The following SERPINB12 variants were observed in gnomAD, a reference collection of about 807,000 sequenced individuals.
The protein encoded by SERPINB12 is serpin B12.
Under a neutral mutation model 41.1 loss-of-function variants are expected in SERPINB12, and 57 were observed. The ratio of observed to expected loss-of-function variants is 1.39; its 90% confidence interval spans 1.12 to 1.73. The LOEUF (loss-of-function observed/expected upper bound fraction) is 1.73. Among genes scored for constraint, SERPINB12 ranks in the 40% most tolerant of loss-of-function variants. The pLI is 0.00. For synonymous variants in SERPINB12, 180 were observed against 181.3 expected (o/e 0.99, Z 0.06); for missense variants, 536 against 501.9 (o/e 1.07, Z -0.65).
chr18:63,565,173 C>A (rs1351222966), intron 6 of SERPINB12, among the ~76,000 whole-genome samples: 1 of 152,090 alleles, frequency 6.6e-6, no homozygotes, highest in Non-Finnish European at 1.5e-5. Context: ...GGTGACAGAG[C>A]AAGACCCTGT....
At position 63,565,564 on chromosome 18, in the gene SERPINB12, C is replaced by G; in HGVS notation, c.825C>G (p.Phe275Leu). The G allele has an allele frequency of 6.2e-7, 1 of 1,614,052 alleles. No homozygotes were observed. Among genetic ancestry groups the G allele is most frequent in the Non-Finnish European group, 8.5e-7 (1 of 1,179,954 alleles). The change falls in exon 7 of 8, where the codon TTC becomes TTG. Residue 275 changes from phenylalanine to leucine, a missense_variant. By Grantham distance (22) the Phe-to-Leu change is conservative (BLOSUM62 0). Transcript: ENST00000382768. ...MRYTKGKLSM[F>L]VLLPSHSKDN... ...ACACCAAGGGGAAGCTCAGCATGTTCGTGCTGCTGCCATCTCACTCTAAAG... is the reference window on the plus strand; with the variant it reads ...ACACCAAGGGGAAGCTCAGCATGTTGGTGCTGCTGCCATCTCACTCTAAAG...
chr18:63,563,893 T>C, intron 5 of SERPINB12, 85 bp from the exon 6 acceptor site: 4 of 1,242,402 alleles, frequency 3.2e-6, no homozygotes, highest in Admixed American at 5.2e-5. Flanking sequence ...CGAAACTCTG[T>C]CTCAAAAAAA....
chr18:63,537,051 A>G, the SERPINB12 span, among the ~76,000 whole-genome samples: 1 of 152,106 alleles, frequency 6.6e-6, no homozygotes, highest in Non-Finnish European at 1.5e-5. Context: ...ATGATTATAT[A>G]CTCTTTGGAA....
At position 63,568,404 on chromosome 18, in the gene SERPINB12, C is replaced by G. The variant is rs1187831933; in HGVS notation, c.*1393C>G. Among the ~76,000 whole-genome samples, 1 of 151,748 alleles carries G rather than the reference C, an allele frequency of 6.6e-6. No individual in the cohort carries two copies. Among genetic ancestry groups the G allele is most frequent in the African/African-American group, 2.4e-5 (1 of 41,336 alleles). ...TCAAAAAACAAACAAACAAAAAACCCAAAAAGCCAAAACAAAACCTGAAAC... is the reference window on the plus strand; with the variant it reads ...TCAAAAAACAAACAAACAAAAAACCGAAAAAGCCAAAACAAAACCTGAAAC... On this transcript the variant is annotated 3_prime_UTR_variant, in exon 8 of 8. Coordinates refer to ENST00000382768, the MANE Select transcript of SERPINB12 (RefSeq NM_001307928.2).
chr18:63,550,399 A>C (rs1331051282), intron 1 of SERPINB12, among the ~76,000 whole-genome samples: 1 of 152,148 alleles, frequency 6.6e-6, no homozygotes, highest in Admixed American at 6.5e-5. Flanking sequence ...ATTTCTCTTC[A>C]ATTTTCCATA....
chr18:63,547,550 T>C (rs1433399681), intron 1 of SERPINB12, among the ~76,000 whole-genome samples: 1 of 152,134 alleles, frequency 6.6e-6, no homozygotes, highest in African/African-American at 2.4e-5. Context: ...GTGGGAATTA[T>C]AGAAATTATA....
rs751906451 is a variant in SERPINB12 at position 63,559,600 on chromosome 18, G to A, written c.326G>A (p.Ser109Asn). Reference protein sequence around the residue: ...DQQAGSLNNESGLVSCYFGQL... With the variant: ...DQQAGSLNNENGLVSCYFGQL... ...TAGGCTGGGTCCTTAAACAATGAGA[G>A]CGGACTGGTCAGCTGCTACTTTGGG... is the stretch of plus-strand genomic sequence containing the variant. Residue 109 changes from serine to asparagine, a missense_variant, in exon 4 of 8, where the codon AGC becomes AAC. By Grantham distance (46) the Ser-to-Asn change is conservative (BLOSUM62 1). Coordinates refer to ENST00000382768, the MANE Select transcript of SERPINB12 (RefSeq NM_001307928.2). 2 of 1,614,134 alleles carry A rather than the reference G, an allele frequency of 1.2e-6. No individual in the cohort carries two copies.
chr18:63,562,305 T>A (rs1051223294), intron 5 of SERPINB12, among the ~76,000 whole-genome samples: 1 of 152,230 alleles, frequency 6.6e-6, no homozygotes, highest in Admixed American at 6.5e-5. Flanking sequence ...ACTAGGCCCC[T>A]TTTTGATCAT....
At chr18:63,520,510 A>C in the SERPINB12 span, among the ~76,000 whole-genome samples, 2 of 152,194 alleles carry the variant, frequency 1.3e-5, no homozygotes, top group Non-Finnish European at 2.9e-5. Flanking sequence ...ATTGTCCTTC[A>C]TGCTGGCTGA....
chr18:63,533,175 A>G, the SERPINB12 span, among the ~76,000 whole-genome samples: 1 of 152,096 alleles, frequency 6.6e-6, no homozygotes, highest in African/African-American at 2.4e-5. Context: ...ACGGGGTTTC[A>G]CCATGTTGGC....
At chr18:63,558,572 TC>T in intron 3 of SERPINB12, 86 bp downstream of exon 3, 1 of 1,385,784 alleles carries the variant, frequency 7.2e-7, no homozygotes, top group Non-Finnish European at 9.7e-7. Context: ...TAGTTGCTTA[TC>T]CCCAAATATT....
chr18:63,526,133 G>T, the SERPINB12 span, among the ~76,000 whole-genome samples: 1 of 152,066 alleles, frequency 6.6e-6, no homozygotes, highest in East Asian at 1.9e-4. Context: ...TGTATTTTTG[G>T]TAACATATTT....
At chr18:63,563,029 A>G (rs1910965607) in intron 5 of SERPINB12, among the ~76,000 whole-genome samples, 1 of 152,182 alleles carries the variant, frequency 6.6e-6, no homozygotes, top group Non-Finnish European at 1.5e-5. Context: ...GGAAGGCCTG[A>G]GGACCCATTC....
chr18:63,529,321 G>A, the SERPINB12 span, among the ~76,000 whole-genome samples: 5 of 152,270 alleles, frequency 3.3e-5, no homozygotes, highest in Admixed American at 1.3e-4. Flanking sequence ...TTGGTCAGGC[G>A]GTTGCTGGAC....
chr18:63,563,796 T>A (rs756524860), intron 5 of SERPINB12, among the ~76,000 whole-genome samples, 182 bp from the exon 6 acceptor site: 4 of 151,748 alleles, frequency 2.6e-5, no homozygotes, highest in Non-Finnish European at 5.9e-5. Flanking sequence ...CTCTGGCGGC[T>A]GAGGCAGGAG....
At chr18:63,522,746 A>G in the SERPINB12 span, among the ~76,000 whole-genome samples, 1 of 152,190 alleles carries the variant, frequency 6.6e-6, no homozygotes, top group Non-Finnish European at 1.5e-5. Context: ...CTGACTGCAG[A>G]TGCCTTTAGA....
chr18:63,527,382 C>A, the SERPINB12 span, among the ~76,000 whole-genome samples: 1 of 152,112 alleles, frequency 6.6e-6, no homozygotes, highest in Non-Finnish European at 1.5e-5. Context: ...GACTATCAAT[C>A]CTTCAAATAA....
At chr18:63,560,483 A>G (rs1218420542) in intron 4 of SERPINB12, among the ~76,000 whole-genome samples, 1 of 152,184 alleles carries the variant, frequency 6.6e-6, no homozygotes, top group Non-Finnish European at 1.5e-5. Flanking sequence ...CCTTTTGATG[A>G]GCTATAAATT....
intron 1 of SERPINB12, among the ~76,000 whole-genome samples, chr18:63,546,704 A>C (rs1161055125): frequency 6.6e-6 from 1 of 152,244 alleles, no homozygotes; most frequent in East Asian, 1.9e-4. Context: ...TGGAAAGAGC[A>C]AAGAAAATAT....
Sources: gnomAD v4.1 joint callset for allele counts (sites outside exome capture counted in the v4.1 genomes callset) on GRCh38, gnomAD v4.1.1 for gene constraint, MANE v1.5 for transcripts, NCBI Gene and HGNC (gene_info 2026-07-23, HGNC 2026-07-21) for gene names.